Variants in ENO2 observed in about 807,000 individuals in gnomAD.
ENO2 encodes the protein gamma-enolase.
Under a neutral mutation model 48.7 loss-of-function variants are expected in ENO2, and 19 were observed. The observed-to-expected ratio is 0.39, with a 90% CI of 0.27 to 0.57. ENO2 has a LOEUF of 0.57. ENO2 is among the 20% of genes least tolerant of loss of function. The pLI, the probability that ENO2 is intolerant of heterozygous loss-of-function variation, is 0.58. For synonymous variants in ENO2, 198 were observed against 213.4 expected (o/e 0.93, Z 0.63); for missense variants, 416 against 555.0 (o/e 0.75, Z 2.52).
rs1417505800 is a variant in ENO2 at position 6,916,919 on chromosome 12, C to G, written c.241-119C>G. Reference sequence around the variant, plus strand: ...CAGGTCCCCTAATCCAGGTAGGCCCCTGTCACAGGGACCTGGTTGGACCCT... The same window carrying G: ...CAGGTCCCCTAATCCAGGTAGGCCCGTGTCACAGGGACCTGGTTGGACCCT... On this transcript the variant is annotated intron_variant, in intron 4 of 11. Transcript: ENST00000229277. The surrounding 1 kb of genome is among the most constrained non-coding windows in gnomAD (Gnocchi z 4.5). 2 of 1,472,662 alleles carry G rather than the reference C, an allele frequency of 1.4e-6. No individual in the cohort carries two copies. The allele number at this position is 1,472,662 out of a possible 1,614,324, so 91.2% of individuals were successfully genotyped here. A position where few individuals can be genotyped will look rare whatever the true frequency, so the allele number is the denominator to read the frequency against.
At position 6,919,750 on chromosome 12, in the gene ENO2, C is replaced by T. The variant is rs782749846; in HGVS notation, c.852C>T (p.Val284=). ...DQLGALYQDF[V]RDYPVVSIED... Reference sequence around the variant, plus strand: ...TGGGGGCACTCTACCAGGACTTTGTCAGGGACTATCCTGGTGAGAGGAAGT... The same window carrying T: ...TGGGGGCACTCTACCAGGACTTTGTTAGGGACTATCCTGGTGAGAGGAAGT... The change falls in exon 8 of 12, where the codon GTC becomes GTT. Residue 284 remains valine, a synonymous_variant. Coordinates refer to ENST00000229277, the MANE Select transcript of ENO2 (RefSeq NM_001975.3). The T allele has an allele frequency of 6.2e-7, 1 of 1,613,722 alleles. No homozygotes were observed. Among genetic ancestry groups the T allele is most frequent in the Non-Finnish European group, 8.5e-7 (1 of 1,179,998 alleles).
At chr12:6,921,333 C>T (rs1297881787) in intron 8 of ENO2, among the ~76,000 whole-genome samples, 3 of 151,176 alleles carry the variant, frequency 2.0e-5, no homozygotes, top group Admixed American at 2.0e-4. Context: ...GTGGAGGTTG[C>T]AGTGAGCTGA....
In ENO2 at chr12:6,917,631, G is replaced by A. The variant is rs1009497222; in HGVS notation, c.361G>A (p.Ala121Thr). Residue 121 changes from alanine (A) to threonine (T), a missense_variant, in exon 6 of 12, where the codon GCA becomes ACA. Physicochemically the swap from Ala to Thr is moderately conservative, Grantham distance 58 (BLOSUM62 0). Transcript: ENST00000229277. ...GGGTGTGTCTCTGGCCGTGTGTAAGGCAGGGGCAGCTGAGCGGGAACTGCC... is the reference window on the plus strand; with the variant it reads ...GGGTGTGTCTCTGGCCGTGTGTAAGACAGGGGCAGCTGAGCGGGAACTGCC... ...ILGVSLAVCK[A>T]GAAERELPLY... 3.1e-6 allele frequency: 5 copies of A among 1,613,624 alleles called. No homozygotes were observed. The highest frequency in any genetic ancestry group is 4.2e-6 in the Non-Finnish European group (5 of 1,179,862).
rs11064467 is a variant in ENO2, at chr12:6,923,185, C to T, written c.*385C>T. The T allele has an allele frequency of 0.042, 10,369 of 248,156 alleles. 844 individuals are homozygous for T. The highest frequency in any genetic ancestry group is 0.23 in the East Asian group (2,546 of 11,272). The allele number at this position is 248,156 out of a possible 1,614,324, so 15.4% of individuals were successfully genotyped here. ...TGTGTCACTTGTGCTTTGCTCTTGT[C>T]CCACGTGTCTTCCACTTTGCATATG... On this transcript the variant is annotated 3_prime_UTR_variant, in exon 12 of 12. Transcript: ENST00000229277.
At position 6,923,524 on chromosome 12, in the gene ENO2, G is replaced by C. The variant is rs1432747713; in HGVS notation, c.*724G>C. 6.6e-6 allele frequency: 1 copy of C among 152,136 alleles called. No homozygotes were observed. The highest frequency in any genetic ancestry group is 1.5e-5 in the Non-Finnish European group (1 of 68,058). The allele number at this position is 152,136 out of a possible 1,614,324, so 9.4% of individuals were successfully genotyped here. On this transcript the variant is annotated 3_prime_UTR_variant, in exon 12 of 12. Transcript: ENST00000229277. ...ACTGAAGCCTGCGTTGGTCCAGAGC[G>C]GAGGCTGTGTGCCTGGGGGAGTTTT...
Position 6,917,034 on chromosome 12 carries a change from T to G in ENO2, c.241-4T>G, listed in dbSNP as rs1555141671. 1 of 1,614,034 alleles carries G rather than the reference T, an allele frequency of 6.2e-7. No individual in the cohort carries two copies. The highest frequency in any genetic ancestry group is 8.5e-7 in the Non-Finnish European group (1 of 1,179,976). On this transcript the variant is annotated splice_region_variant and splice_polypyrimidine_tract_variant and intron_variant, in intron 4 of 11. Transcript: ENST00000229277. ...GCCCTGGGTGATGGAGGCTCTGCCC[T>G]CAGGGTCTCTCTGTGGTGGAGCAAG...
At position 6,922,767 on chromosome 12, in the gene ENO2, C is replaced by G. The variant is rs1264002593; in HGVS notation, c.1272C>G (p.Ala424=). 2 of 1,614,074 alleles carry G rather than the reference C, an allele frequency of 1.2e-6. No homozygotes were observed. Among genetic ancestry groups the G allele is most frequent in the Non-Finnish European group, 1.7e-6 (2 of 1,179,998 alleles). ...AGCTGGGGGATGAAGCTCGCTTTGC[C>G]GGACATAACTTCCGTAATCCCAGTG... ...EEELGDEARF[A]GHNFRNPSVL is the part of the protein sequence containing the mutation. The change falls in exon 12 of 12, where the codon GCC becomes GCG. Residue 424 remains alanine (A), a synonymous_variant. Transcript: ENST00000229277. This position sits in a 1 kb window ranked among gnomAD's most constrained non-coding sequence, Gnocchi z 5.3.
chr12:6,916,481 GGAT>G lies in ENO2; in HGVS notation c.152_154del (p.Asp51del), dbSNP rs1555141616. On this transcript the variant is annotated inframe_deletion, in exon 3 of 12. Transcript: ENST00000229277. This position sits in a 1 kb window ranked among gnomAD's most constrained non-coding sequence, Gnocchi z 4.5. ...GCATCTATGAGGCCCTGGAGCTGAG[GGAT>G]GGAGACAAACAGCGTTACTTAGGCA... 6.2e-7 allele frequency: 1 copy of G among 1,614,096 alleles called. No homozygotes were observed.
chr12:6,922,450 C>G lies in ENO2; in HGVS notation c.1235+48C>G, dbSNP rs1555142226. On this transcript the variant is annotated intron_variant, in intron 11 of 11. Transcript: ENST00000229277. This position sits in a 1 kb window ranked among gnomAD's most constrained non-coding sequence, Gnocchi z 5.3. ...CCCCTGGCCCAGATGGCTAAAGGCC[C>G]CATTTGCCTGCCAGACCATCTGTAG... The G allele has an allele frequency of 6.2e-7, 1 of 1,609,966 alleles. No homozygotes were observed. The highest frequency in any genetic ancestry group is 8.5e-7 in the Non-Finnish European group (1 of 1,176,600).
Position 6,922,525 on chromosome 12 carries a change from TA to T in ENO2, c.1235+125del. ...ATTTCCTGGATAACAGTCCAACAGA[TA>T]ATATTGGTTTTTGCTTCCTGGGTTT... On this transcript the variant is annotated intron_variant, in intron 11 of 11. Transcript: ENST00000229277. This position sits in a 1 kb window ranked among gnomAD's most constrained non-coding sequence, Gnocchi z 5.3. The T allele has an allele frequency of 7.2e-7, 1 of 1,387,822 alleles. No homozygotes were observed. Among genetic ancestry groups the T allele is most frequent in the South Asian group, 1.2e-5 (1 of 85,180 alleles). The allele number at this position is 1,387,822 out of a possible 1,614,324, so 86.0% of individuals were successfully genotyped here. A position where few individuals can be genotyped will look rare whatever the true frequency, so the allele number is the denominator to read the frequency against.
chr12:6,915,714 A>C, intron 1 of ENO2, 107 bp from the exon 2 acceptor site: 10 of 213,874 alleles, frequency 4.7e-5, no homozygotes, highest in Non-Finnish European at 5.7e-5. Flanking sequence ...CACCCACTGC[A>C]GTAACCTCTT....
In ENO2 at chr12:6,921,782, CGTGA is replaced by C; in HGVS notation, c.1067+5_1067+8del. 6.2e-7 allele frequency: 1 copy of C among 1,613,924 alleles called. No individual in the cohort carries two copies. Among genetic ancestry groups the C allele is most frequent in the Non-Finnish European group, 8.5e-7 (1 of 1,179,936 alleles). On this transcript the variant is annotated splice_donor_variant and splice_donor_region_variant and intron_variant, in intron 9 of 11. Transcript: ENST00000229277. LOFTEE classifies it high-confidence loss of function. ...GGCTCGGTCACTGAAGCCATCCAAG[CGTGA>C]GTGACTTCTGGCCCTCTCCTGTGTG... is the stretch of plus-strand genomic sequence containing the variant.
In ENO2 at chr12:6,923,012, C is replaced by G. The variant is rs2138191416; in HGVS notation, c.*212C>G. On this transcript the variant is annotated 3_prime_UTR_variant, in exon 12 of 12. Transcript: ENST00000229277. ...GTGCCCTACTCATTGGGGTTCCGCA[C>G]TTTCCACTTCTTCCTTTCTCTTTCT... The G allele has an allele frequency of 3.6e-6, 2 of 548,032 alleles. No homozygotes were observed. The highest frequency in any genetic ancestry group is 5.9e-5 in the East Asian group (2 of 33,788). The allele number at this position is 548,032 out of a possible 1,614,324, so 33.9% of individuals were successfully genotyped here.
At chr12:6,919,427 G>A (rs1945320168) in intron 7 of ENO2, 139 bp from the exon 8 acceptor site, 1 of 861,744 alleles carries the variant, frequency 1.2e-6, no homozygotes, top group Admixed American at 2.3e-5. Context: ...CCCAGACCTG[G>A]GGATAACCCC....
chr12:6,915,537 T>A (rs1332742530), intron 1 of ENO2: 5 of 383,760 alleles, frequency 1.3e-5, no homozygotes, highest in Non-Finnish European at 2.4e-5. Context: ...GTCGTGCCCC[T>A]CCCCTCCTCA....
At chr12:6,921,212 A>C (rs1021328518) in intron 8 of ENO2, among the ~76,000 whole-genome samples, 1 of 152,172 alleles carries the variant, frequency 6.6e-6, no homozygotes, top group Non-Finnish European at 1.5e-5. Flanking sequence ...CTGGCAATAC[A>C]GTGAGACCTC....
At chr12:6,915,568 A>G in intron 1 of ENO2, 1 of 474,710 alleles carries the variant, frequency 2.1e-6, no homozygotes, top group Non-Finnish European at 3.9e-6. Flanking sequence ...CTCCCATCTC[A>G]TCATTTGATC....
chr12:6,915,759 A>T, intron 1 of ENO2, 62 bp from the exon 2 acceptor site: 65 of 802,942 alleles, frequency 8.1e-5, no homozygotes, highest in Non-Finnish European at 1.1e-4. Context: ...CCGCCCATTG[A>T]TCTCAGGCTC....
rs1258303214 is a variant in ENO2, at chr12:6,916,186, T to A, written c.86-231T>A. ...TGCAGACGTGTGCTGCAAGCAATTTTCTTTCTGCGGGCTCCCACTTGTGCA... is the reference window on the plus strand; with the variant it reads ...TGCAGACGTGTGCTGCAAGCAATTTACTTTCTGCGGGCTCCCACTTGTGCA... On this transcript the variant is annotated intron_variant, in intron 2 of 11. Transcript: ENST00000229277. The surrounding 1 kb of genome is among the most constrained non-coding windows in gnomAD (Gnocchi z 4.5). Among the ~76,000 whole-genome samples the A allele has an allele frequency of 1.3e-5, 2 of 151,828 alleles. No homozygotes were observed. Among genetic ancestry groups the A allele is most frequent in the East Asian group, 3.9e-4 (2 of 5,186 alleles).
Sources: allele counts gnomAD v4.1 joint callset (sites outside exome capture counted in the v4.1 genomes callset), GRCh38; gene constraint gnomAD v4.1.1; non-coding constraint Gnocchi (gnomAD v3.1); transcripts MANE v1.5; gene names NCBI Gene and HGNC (gene_info 2026-07-23, HGNC 2026-07-21).